Variants in CSMD3 observed in about 807,000 individuals in gnomAD.
The protein encoded by CSMD3 is CUB and Sushi multiple domains 3.
CSMD3 carries 177 observed loss-of-function variants against 435.2 expected under a neutral mutation model. That is an observed-to-expected ratio of 0.41 (90% CI 0.36 to 0.46). CSMD3 has a LOEUF of 0.46. Ranked by LOEUF, CSMD3 falls within the 20% of genes least tolerant of loss-of-function variation. The pLI is 0.34. For synonymous variants in CSMD3, 1,656 were observed against 1,520.5 expected (o/e 1.09, Z -2.07); for missense variants, 4,265 against 4,504.6 (o/e 0.95, Z 1.52).
intron 3 of CSMD3, among the ~76,000 whole-genome samples, chr8:113,190,961 G>C (rs2092576286): frequency 1.3e-5 from 2 of 151,370 alleles, no homozygotes; most frequent in Non-Finnish European, 3.0e-5. Context: ...AATGTTTTAG[G>C]CATTTAACTT....
chr8:113,203,826 T>A lies in CSMD3; in HGVS notation c.515-29910A>T, dbSNP rs186677354. Among the ~76,000 whole-genome samples, 108 of 152,230 alleles carry A rather than the reference T, an allele frequency of 7.1e-4. 2 individuals carry two copies. The highest frequency in any genetic ancestry group is 5.0e-3 in the Admixed American group (77 of 15,274). Reference sequence around the variant, plus strand: ...TTAAACATGTACTATTAAATTTTTCTTATATAGGTGAGAGTTTCACTCTTT... The same window carrying A: ...TTAAACATGTACTATTAAATTTTTCATATATAGGTGAGAGTTTCACTCTTT... On this transcript the variant is annotated intron_variant, in intron 3 of 70. Transcript: ENST00000297405.
At chr8:113,121,143 A>G (rs960380432) in intron 4 of CSMD3, among the ~76,000 whole-genome samples, 4 of 152,090 alleles carry the variant, frequency 2.6e-5, no homozygotes, top group Admixed American at 6.6e-5. Context: ...ATATTTTATT[A>G]GAGCCCTGGA....
chr8:112,783,793 T>C (rs1453419366), intron 13 of CSMD3, among the ~76,000 whole-genome samples: 1 of 151,442 alleles, frequency 6.6e-6, no homozygotes, highest in Non-Finnish European at 1.5e-5. Context: ...GGAGTGGCTA[T>C]ACTTATATCA....
At chr8:112,639,593 A>T (rs1158328133) in intron 20 of CSMD3, among the ~76,000 whole-genome samples, 1 of 152,164 alleles carries the variant, frequency 6.6e-6, no homozygotes, top group East Asian at 1.9e-4. Flanking sequence ...TCAGTTTTCC[A>T]GAAGTAACCA....
intron 38 of CSMD3, among the ~76,000 whole-genome samples, chr8:112,358,841 C>T (rs955155702): frequency 6.6e-6 from 1 of 152,050 alleles, no homozygotes; most frequent in African/African-American, 2.4e-5. Flanking sequence ...ATTATTCATA[C>T]CCCAAACCTC....
chr8:113,297,722 G>A (rs970919987), intron 2 of CSMD3, among the ~76,000 whole-genome samples: 2 of 151,820 alleles, frequency 1.3e-5, no homozygotes, highest in African/African-American at 4.8e-5. Context: ...TCAACACCAA[G>A]AGCTGGTCAT....
At chr8:112,808,199 A>T (rs943136019) in intron 12 of CSMD3, among the ~76,000 whole-genome samples, 2 of 152,144 alleles carry the variant, frequency 1.3e-5, no homozygotes, top group Non-Finnish European at 2.9e-5. Context: ...TATTTTGTCT[A>T]GTTATAGTAT....
At chr8:112,708,970 A>G (rs2076555446) in intron 13 of CSMD3, among the ~76,000 whole-genome samples, 1 of 151,998 alleles carries the variant, frequency 6.6e-6, no homozygotes. Context: ...TTTATTAACT[A>G]ATAAAGTTTT....
At chr8:113,026,474 G>A (rs898377609) in intron 5 of CSMD3, among the ~76,000 whole-genome samples, 9 of 152,086 alleles carry the variant, frequency 5.9e-5, no homozygotes, top group Admixed American at 5.9e-4. Flanking sequence ...AAACTATCTT[G>A]CTCTGACCAC....
At chr8:112,700,270 G>A (rs1334178695) in intron 13 of CSMD3, among the ~76,000 whole-genome samples, 1 of 152,114 alleles carries the variant, frequency 6.6e-6, no homozygotes, top group Non-Finnish European at 1.5e-5. Flanking sequence ...GGAGGCCAAG[G>A]AAGGCGGATC....
intron 5 of CSMD3, among the ~76,000 whole-genome samples, chr8:113,059,088 T>C (rs1355831816): frequency 6.6e-6 from 1 of 152,288 alleles, no homozygotes; most frequent in Admixed American, 6.5e-5. Flanking sequence ...AGCCTACTCA[T>C]GATTCCCCAA....
intron 13 of CSMD3, among the ~76,000 whole-genome samples, chr8:112,707,949 A>G (rs2076534192): frequency 1.3e-5 from 2 of 152,126 alleles, no homozygotes; most frequent in Non-Finnish European, 2.9e-5. Context: ...CATAGTCTGC[A>G]CATAGGCTGT....
At chr8:112,380,608 C>T (rs1019989433) in intron 37 of CSMD3, 152 bp from the exon 38 acceptor site, 2 of 610,774 alleles carry the variant, frequency 3.3e-6, no homozygotes, top group African/African-American at 3.7e-5. Context: ...ATATTTTTCT[C>T]ACAATCCTCT....
intron 22 of CSMD3, among the ~76,000 whole-genome samples, chr8:112,593,884 GT>G (rs1563744116): frequency 6.6e-6 from 1 of 152,140 alleles, no homozygotes; most frequent in African/African-American, 2.4e-5. Context: ...GGTGATACAG[GT>G]TTGAAGGAAG....
At chr8:113,207,243 T>C (rs1414150837) in intron 3 of CSMD3, among the ~76,000 whole-genome samples, 1 of 152,140 alleles carries the variant, frequency 6.6e-6, no homozygotes, top group Non-Finnish European at 1.5e-5. Flanking sequence ...CTTGGGACCT[T>C]TATTTTTCTT....
chr8:112,266,423 G>A (rs539541216), intron 59 of CSMD3, among the ~76,000 whole-genome samples: 112 of 152,272 alleles, frequency 7.4e-4, no homozygotes, highest in African/African-American at 2.6e-3. Flanking sequence ...AAGAAAGAAG[G>A]CAACAAGGCA....
chr8:112,263,918 T>C, intron 60 of CSMD3, 106 bp from the exon 61 acceptor site: 2 of 969,586 alleles, frequency 2.1e-6, no homozygotes, highest in South Asian at 2.7e-5. Context: ...TTTAACCTTT[T>C]CGAGGACAAT....
intron 6 of CSMD3, among the ~76,000 whole-genome samples, chr8:112,983,556 G>A (rs1032098437): frequency 1.3e-5 from 2 of 148,148 alleles, no homozygotes; most frequent in African/African-American, 5.0e-5. Context: ...GATTGATAGA[G>A]GGCCATACTA....
At chr8:113,085,475 T>A (rs970490640) in intron 5 of CSMD3, among the ~76,000 whole-genome samples, 3 of 152,192 alleles carry the variant, frequency 2.0e-5, no homozygotes, top group African/African-American at 7.2e-5. Flanking sequence ...GATATCTGCA[T>A]CTTCATGTGT....
Sources: allele counts gnomAD v4.1 joint callset (sites outside exome capture counted in the v4.1 genomes callset), GRCh38; gene constraint gnomAD v4.1.1; transcripts MANE v1.5; gene names NCBI Gene and HGNC (gene_info 2026-07-23, HGNC 2026-07-21).